Variants in WDHD1 observed in about 807,000 individuals in gnomAD.
WDHD1 encodes the protein WD repeat and HMG-box DNA-binding protein 1.
A neutral mutation model predicts 135.4 loss-of-function variants in WDHD1; 111 were observed. The ratio of observed to expected loss-of-function variants is 0.82; its 90% confidence interval spans 0.70 to 0.96. The LOEUF is 0.96. Ranked by LOEUF, WDHD1 falls within the 40% of genes least tolerant of loss-of-function variation. WDHD1 has a pLI of 0.00. For synonymous variants in WDHD1, 434 were observed against 439.0 expected, an observed-to-expected ratio of 0.99 and a Z score of 0.14; for missense variants, 1,351 against 1,336.3, an observed-to-expected ratio of 1.01 and a Z score of -0.17.
At chr14:54,968,759 T>C (rs528685386) in intron 16 of WDHD1, among the ~76,000 whole-genome samples, 2 of 151,832 alleles carry the variant, frequency 1.3e-5, no homozygotes, top group East Asian at 3.9e-4. Flanking sequence ...AACCAGAAAA[T>C]TTAGAGGAAA....
intron 3 of WDHD1, among the ~76,000 whole-genome samples, chr14:55,013,200 A>AAAAAAAAAAAAAAAC (rs2042202005): frequency 1.3e-5 from 1 of 77,850 alleles, no homozygotes; most frequent in Admixed American, 1.3e-4. Context: ...GTTTCAAAAA[A>AAAAAAAAAAAAAAAC]AAAAAAAAAA....
intron 7 of WDHD1, chr14:55,005,123 G>A (rs1595114051): frequency 3.7e-6 from 2 of 534,134 alleles, no homozygotes; most frequent in Admixed American, 4.0e-5. Flanking sequence ...CCTCCCACAG[G>A]AAATGGTGCC....
intron 16 of WDHD1, among the ~76,000 whole-genome samples, chr14:54,971,681 G>A (rs2140178214): frequency 7.9e-6 from 1 of 127,296 alleles, no homozygotes; most frequent in East Asian, 2.4e-4. Flanking sequence ...CCACCGCACT[G>A]TAGCCTGGGT....
chr14:55,001,000 GA>G lies in WDHD1; in HGVS notation c.694-9del. The stretch of plus-strand genomic sequence containing the variant: ...GGTTACTATATTGAGGGTCTGTAAA[GA>G]AAAACAGTTAATAAATAATGATTTT... On this transcript the variant is annotated splice_polypyrimidine_tract_variant and intron_variant, in intron 8 of 25. Coordinates refer to ENST00000360586, the MANE Select transcript of WDHD1 (RefSeq NM_007086.4). The G allele has an allele frequency of 6.8e-7, 1 of 1,468,920 alleles. No homozygotes were observed. Among genetic ancestry groups the G allele is most frequent in the South Asian group, 1.4e-5 (1 of 71,838 alleles). The allele number at this position is 1,468,920 out of a possible 1,614,324, so 91.0% of individuals were successfully genotyped here.
chr14:54,966,477 C>T lies in WDHD1; in HGVS notation c.2308G>A (p.Ala770Thr), dbSNP rs1440607672. 6.3e-7 allele frequency: 1 copy of T among 1,596,806 alleles called. No homozygotes were observed. Among genetic ancestry groups the T allele is most frequent in the East Asian group, 2.2e-5 (1 of 44,732 alleles). The change falls in exon 18 of 26, where the codon GCG becomes ACG. Residue 770 changes from alanine (A) to threonine (T), a missense_variant and splice_region_variant. Physicochemically the swap from Ala to Thr is moderately conservative, Grantham distance 58. Around this residue, in one of 2 missense-constraint regions of WDHD1, gnomAD observed 1,330 missense variants for 1,296.1 expected, o/e 1.03. Coordinates refer to ENST00000360586, the MANE Select transcript of WDHD1 (RefSeq NM_007086.4). ...TTCAGTATATTTATTTTACTCACCGCAAGCATTTTCATTAAAAGTTCCTGT... is the reference window on the plus strand; with the variant it reads ...TTCAGTATATTTATTTTACTCACCGTAAGCATTTTCATTAAAAGTTCCTGT... ...EQQELLMKML[A>T]LSCKLEREFR...
At position 54,944,487 on chromosome 14, in the gene WDHD1, G is replaced by A. The variant is rs766861010; in HGVS notation, c.3051-17C>T. On this transcript the variant is annotated splice_polypyrimidine_tract_variant and intron_variant, in intron 24 of 25. Coordinates refer to ENST00000360586, the MANE Select transcript of WDHD1 (RefSeq NM_007086.4). Reference sequence around the variant, plus strand: ...GTCTTTGGCCTAAAATCACAATTATGTGAAAACATTTTATACTTAAGACAG... The same window carrying A: ...GTCTTTGGCCTAAAATCACAATTATATGAAAACATTTTATACTTAAGACAG... The A allele has an allele frequency of 1.2e-5, 19 of 1,568,688 alleles. No individual in the cohort carries two copies. The South Asian group carries it at 2.0e-4, about 17-fold the overall frequency.
At chr14:54,988,930 AAAAT>A in intron 13 of WDHD1, 94 bp downstream of exon 13, 5 of 1,147,822 alleles carry the variant, frequency 4.4e-6, no homozygotes, top group Non-Finnish European at 6.1e-6. Flanking sequence ...CATATTACAA[AAAAT>A]AAATTTTGTT....
chr14:54,957,505 C>A, intron 22 of WDHD1, 87 bp downstream of exon 22: 2 of 1,225,160 alleles, frequency 1.6e-6, no homozygotes, highest in Non-Finnish European at 2.3e-6. Flanking sequence ...GCCTCCAAGT[C>A]TGGGGAGAGT....
chr14:54,997,708 C>T (rs2041907512), intron 10 of WDHD1, among the ~76,000 whole-genome samples: 2 of 151,044 alleles, frequency 1.3e-5, no homozygotes, highest in Admixed American at 6.6e-5. Flanking sequence ...GTCAGGAGAT[C>T]GAGACCATCC....
intron 16 of WDHD1, among the ~76,000 whole-genome samples, chr14:54,968,653 A>G (rs923372794): frequency 6.6e-6 from 1 of 152,182 alleles, no homozygotes; most frequent in African/African-American, 2.4e-5. Flanking sequence ...AGCTCCATAT[A>G]AGCACAATCA....
Position 55,027,069 on chromosome 14 carries a change from G to A in WDHD1, c.-58C>T, listed in dbSNP as rs1378267481. 7.3e-6 allele frequency: 3 copies of A among 409,754 alleles called. No individual in the cohort carries two copies. Among genetic ancestry groups the A allele is most frequent in the African/African-American group, 2.0e-5 (1 of 50,006 alleles). 25.4% of individuals were successfully genotyped at this position (409,754 alleles called of 1,614,324 possible). ...CCGCCACTGAGGATCCACAAGAGCT[G>A]CTTCCCGCGCTTCGGCTCGCTCACC... On this transcript the variant is annotated 5_prime_UTR_variant, in exon 1 of 26. Transcript: ENST00000360586.
At chr14:54,980,634 T>C (rs1192370026) in intron 16 of WDHD1, among the ~76,000 whole-genome samples, 6 of 151,768 alleles carry the variant, frequency 4.0e-5, no homozygotes, top group Non-Finnish European at 1.5e-5. Context: ...TGAAACCCTG[T>C]CTCTACTAAA....
intron 14 of WDHD1, among the ~76,000 whole-genome samples, chr14:54,986,118 G>T (rs1271497652): frequency 6.6e-6 from 1 of 152,102 alleles, no homozygotes; most frequent in Non-Finnish European, 1.5e-5. Flanking sequence ...TAAAGCCATG[G>T]ATTATGATAA....
chr14:54,944,830 A>T (rs565763433), intron 24 of WDHD1, among the ~76,000 whole-genome samples: 1 of 150,452 alleles, frequency 6.6e-6, no homozygotes, highest in African/African-American at 2.4e-5. Flanking sequence ...CTGGTCTCAA[A>T]CTCCTGACCT....
chr14:54,984,615 T>C (rs913261595), intron 15 of WDHD1, 108 bp downstream of exon 15: 3 of 948,032 alleles, frequency 3.2e-6, no homozygotes, highest in African/African-American at 3.5e-5. Context: ...AAAATAGAGA[T>C]AATTTATTCT....
At chr14:54,999,057 ACT>A (rs936180514) in intron 10 of WDHD1, among the ~76,000 whole-genome samples, 3 of 151,558 alleles carry the variant, frequency 2.0e-5, no homozygotes, top group Non-Finnish European at 2.9e-5. Context: ...GAGTTAAGAA[ACT>A]CTCTCTTTAC....
intron 21 of WDHD1, among the ~76,000 whole-genome samples, chr14:54,961,745 G>A (rs1261518726): frequency 1.3e-5 from 2 of 151,784 alleles, no homozygotes. Flanking sequence ...GTACTATAAG[G>A]TTTATGCTCC....
Position 54,989,144 on chromosome 14 carries a change from G to A in WDHD1, c.1410C>T (p.Phe470=). The A allele has an allele frequency of 1.9e-6, 3 of 1,613,470 alleles. No homozygotes were observed. Among genetic ancestry groups the A allele is most frequent in the Non-Finnish European group, 2.5e-6 (3 of 1,179,578 alleles). The change falls in exon 13 of 26, where the codon TTC becomes TTT. Residue 470 remains phenylalanine (F), a synonymous_variant. Coordinates refer to ENST00000360586, the MANE Select transcript of WDHD1 (RefSeq NM_007086.4). ...TTGCATGGTGTATGGAGGTATCATG[G>A]AACTCCACATCTATGGCATTGTCTT... ...DEQDNAIDVE[F]HDTSIHHATH... is the part of the protein sequence containing the mutation.
At chr14:55,009,425 G>C (rs1440446402) in intron 4 of WDHD1, among the ~76,000 whole-genome samples, 3 of 151,622 alleles carry the variant, frequency 2.0e-5, no homozygotes, top group Non-Finnish European at 4.4e-5. Context: ...CAAGTTCTAA[G>C]TAAAATAATT....
Sources: gnomAD v4.1 joint callset for allele counts (sites outside exome capture counted in the v4.1 genomes callset) on GRCh38, gnomAD v4.1.1 for gene constraint, gnomAD v4.1.1 regional missense constraint, MANE v1.5 for transcripts, NCBI Gene and HGNC (gene_info 2026-07-23, HGNC 2026-07-21) for gene names.